The following CPNE4 variants were observed in gnomAD, a reference collection of about 807,000 sequenced individuals.
CPNE4 encodes the protein copine 4, also known as copine-4.
Under a neutral mutation model 67.9 loss-of-function variants are expected in CPNE4, and 25 were observed. The ratio of observed to expected loss-of-function variants is 0.37; its 90% CI spans 0.27 to 0.51. The LOEUF is 0.51. Among genes scored for constraint, CPNE4 ranks in the 20% least tolerant of loss-of-function variants. The pLI is 0.93. For missense variants in CPNE4, 464 were observed against 690.8 expected, an observed-to-expected ratio of 0.67 and a Z score of 3.68; for synonymous variants, 242 against 244.9, an observed-to-expected ratio of 0.99 and a Z score of 0.11.
At chr3:131,854,463 T>C (rs907310967) in intron 2 of CPNE4, among the ~76,000 whole-genome samples, 9 of 152,070 alleles carry the variant, frequency 5.9e-5, no homozygotes, top group African/African-American at 1.7e-4. Flanking sequence ...TATATACATG[T>C]CAAATGACTA....
chr3:131,754,025 T>C (rs967548657), intron 2 of CPNE4, among the ~76,000 whole-genome samples: 1 of 152,130 alleles, frequency 6.6e-6, no homozygotes, highest in Admixed American at 6.6e-5. Flanking sequence ...ACTGGAAACA[T>C]GATGAATGCC....
intron 1 of CPNE4, among the ~76,000 whole-genome samples, chr3:131,957,098 A>G (rs1297604216): frequency 2.0e-5 from 3 of 152,168 alleles, no homozygotes; most frequent in Non-Finnish European, 4.4e-5. Context: ...CTTAGGATGA[A>G]TTGGGATGCA....
intron 3 of CPNE4, among the ~76,000 whole-genome samples, chr3:131,720,572 C>T (rs2081857282): frequency 6.6e-6 from 1 of 152,166 alleles, no homozygotes; most frequent in Admixed American, 6.5e-5. Flanking sequence ...GCGTGAGCCA[C>T]CGCGCCCGGC....
rs2088110162 is a variant in CPNE4, at chr3:131,891,449, GTACACATGCAGGTTTGT to G, written c.180+13798_180+13814del. 2.0e-5 allele frequency among the ~76,000 whole-genome samples: 3 copies of G among 151,760 alleles called. No homozygotes were observed. In the South Asian group the frequency reaches 6.2e-4, roughly 32 times the overall value. On this transcript the variant is annotated intron_variant, in intron 2 of 15. Coordinates refer to ENST00000429747, the MANE Select transcript of CPNE4 (RefSeq NM_130808.3). ...TTTTTTTAAACTTTTGAGTTCAGGG[GTACACATGCAGGTTTGT>G]TACACAGGTAAACTTGTGTCATAGG...
At chr3:131,750,375 CTGTTT>C (rs2082595123) in intron 2 of CPNE4, among the ~76,000 whole-genome samples, 2 of 151,906 alleles carry the variant, frequency 1.3e-5, no homozygotes, top group African/African-American at 4.8e-5. Flanking sequence ...TGTTTGTTTT[CTGTTT>C]TATTTTTCCT....
chr3:131,941,299 A>C lies in CPNE4; in HGVS notation c.-1-35855T>G, dbSNP rs376114615. On this transcript the variant is annotated intron_variant, in intron 1 of 15. Coordinates refer to ENST00000429747, the MANE Select transcript of CPNE4 (RefSeq NM_130808.3). ...AATTATTTTACTACATTTTACTATT[A>C]TCTATGCTAAGATAATTTACATGCA... Among the ~76,000 whole-genome samples the C allele has an allele frequency of 1.2e-4, 19 of 152,214 alleles. 1 individual carries two copies. The highest frequency in any genetic ancestry group is 4.3e-4 in the African/African-American group (18 of 41,566).
At chr3:131,740,560 C>T (rs1025604412) in intron 2 of CPNE4, among the ~76,000 whole-genome samples, 1 of 152,120 alleles carries the variant, frequency 6.6e-6, no homozygotes, top group Non-Finnish European at 1.5e-5. Context: ...AAATAGATAC[C>T]GGATCTCACG....
chr3:131,863,387 T>C (rs1334188592), intron 2 of CPNE4, among the ~76,000 whole-genome samples: 11 of 152,194 alleles, frequency 7.2e-5, no homozygotes, highest in Non-Finnish European at 1.6e-4. Context: ...CCTGACTTTT[T>C]AATGATCGCC....
rs192204579 is a variant in CPNE4 at position 131,545,481 on chromosome 3, C to A, written c.1303-2688G>T. On this transcript the variant is annotated intron_variant, in intron 14 of 15. Transcript: ENST00000429747. Reference sequence around the variant, plus strand: ...TTCACTATAAGTGTAATCAACAAATCAAATTAATATTAGTTCTACTTGTGG... The same window carrying A: ...TTCACTATAAGTGTAATCAACAAATAAAATTAATATTAGTTCTACTTGTGG... Among the ~76,000 whole-genome samples the A allele has an allele frequency of 3.7e-3, 570 of 152,152 alleles. 5 individuals are homozygous for A. Among genetic ancestry groups the A allele is most frequent in the African/African-American group, 0.013 (546 of 41,504 alleles).
chr3:131,913,777 A>C (rs1047507064), intron 1 of CPNE4, among the ~76,000 whole-genome samples: 1 of 152,154 alleles, frequency 6.6e-6, no homozygotes, highest in Non-Finnish European at 1.5e-5. Flanking sequence ...TACCATTAAC[A>C]CTATTTACTT....
intron 7 of CPNE4, among the ~76,000 whole-genome samples, chr3:131,595,133 A>C (rs1938767956): frequency 3.9e-5 from 6 of 152,212 alleles, no homozygotes; most frequent in Admixed American, 3.9e-4. Flanking sequence ...AAAATGGTGG[A>C]GCAGCTATGG....
At chr3:131,565,704 C>T (rs1339857999) in intron 10 of CPNE4, among the ~76,000 whole-genome samples, 1 of 151,396 alleles carries the variant, frequency 6.6e-6, no homozygotes, top group Admixed American at 6.6e-5. Flanking sequence ...TCTTCCTTGC[C>T]TCTCCAAAGA....
chr3:131,777,348 A>AT (rs1433174888), intron 2 of CPNE4, among the ~76,000 whole-genome samples: 1 of 150,986 alleles, frequency 6.6e-6, no homozygotes, highest in Non-Finnish European at 1.5e-5. Flanking sequence ...TTTTAAGGTG[A>AT]TTTTGAATCA....
At chr3:131,873,853 T>C (rs556486071) in intron 2 of CPNE4, among the ~76,000 whole-genome samples, 5 of 152,296 alleles carry the variant, frequency 3.3e-5, no homozygotes, top group African/African-American at 9.6e-5. Context: ...TTTCACTACC[T>C]GTCCTCTTGT....
intron 7 of CPNE4, among the ~76,000 whole-genome samples, chr3:131,592,506 G>C (rs1267257008): frequency 3.9e-5 from 6 of 152,048 alleles, no homozygotes; most frequent in African/African-American, 9.7e-5. Context: ...GCCATTTACA[G>C]GTGCAATTTA....
chr3:131,541,590 T>A (rs1359265591), intron 15 of CPNE4, among the ~76,000 whole-genome samples: 2 of 151,796 alleles, frequency 1.3e-5, no homozygotes, highest in Non-Finnish European at 2.9e-5. Context: ...TTTTTTTTTT[T>A]ACCCTCTTGG....
At position 131,849,576 on chromosome 3, in the gene CPNE4, T is replaced by C. The variant is rs534353082; in HGVS notation, c.180+55688A>G. Among the ~76,000 whole-genome samples the C allele has an allele frequency of 3.9e-5, 6 of 152,176 alleles. No homozygotes were observed. In the East Asian group the frequency reaches 1.2e-3, roughly 29 times the overall value. On this transcript the variant is annotated intron_variant, in intron 2 of 15. Transcript: ENST00000429747. ...CTCCCACCAAGCCCCTCTTCTAGCA[T>C]TGGGTATTACAACTGGACATAAGAT...
intron 7 of CPNE4, among the ~76,000 whole-genome samples, chr3:131,647,496 T>C (rs1226697653): frequency 6.6e-6 from 1 of 152,224 alleles, no homozygotes; most frequent in Admixed American, 6.5e-5. Context: ...GCCATGTCCT[T>C]TCTTTACCTT....
chr3:131,758,769 G>T (rs562600187), intron 2 of CPNE4, among the ~76,000 whole-genome samples: 1 of 152,038 alleles, frequency 6.6e-6, no homozygotes, highest in Non-Finnish European at 1.5e-5. Context: ...ATTGAATCAC[G>T]GGGGCTGGTC....
Sources: allele counts gnomAD v4.1 joint callset (sites outside exome capture counted in the v4.1 genomes callset), GRCh38; gene constraint gnomAD v4.1.1; transcripts MANE v1.5; gene names NCBI Gene and HGNC (gene_info 2026-07-23, HGNC 2026-07-21).